Variants in SHTN1 observed in about 807,000 individuals in gnomAD.
The protein encoded by SHTN1 is shootin-1.
A neutral mutation model predicts 83.1 loss-of-function variants in SHTN1; 42 were observed. The ratio of observed to expected loss-of-function variants is 0.51; its 90% CI spans 0.39 to 0.65. SHTN1 has a LOEUF of 0.65. Ranked by LOEUF, SHTN1 falls within the 30% of genes least tolerant of loss-of-function variation. The probability of loss-of-function intolerance (pLI) is 0.00; values close to 1 mark genes in which losing one functional copy is unlikely to be tolerated. For missense variants in SHTN1, 622 were observed against 737.8 expected, an observed-to-expected ratio of 0.84 and a Z score of 1.82; for synonymous variants, 224 against 247.7, an observed-to-expected ratio of 0.90 and a Z score of 0.90.
chr10:116,965,721 C>A (rs1374088546), intron 3 of SHTN1, among the ~76,000 whole-genome samples: 1 of 152,172 alleles, frequency 6.6e-6, no homozygotes, highest in African/African-American at 2.4e-5. Context: ...GTAGTAGCAA[C>A]TAATATTTAT....
At chr10:116,938,220 G>A (rs911702849) in intron 9 of SHTN1, among the ~76,000 whole-genome samples, 6 of 152,156 alleles carry the variant, frequency 3.9e-5, no homozygotes, top group African/African-American at 1.4e-4. Context: ...GCGAGGAGTT[G>A]TGATCTTTTG....
rs574707425 is a variant in SHTN1, at chr10:116,881,590, C to T, written c.*4754G>A. On this transcript the variant is annotated 3_prime_UTR_variant, in exon 17 of 17. Coordinates refer to ENST00000355371, the MANE Select transcript of SHTN1 (RefSeq NM_001127211.3). Reference sequence around the variant, plus strand: ...GCTGCGGAGGCACTTGAGGCTGCTGCGGCTAGGGAGCCGCTGGTGCCCACC... The same window carrying T: ...GCTGCGGAGGCACTTGAGGCTGCTGTGGCTAGGGAGCCGCTGGTGCCCACC... The T allele has an allele frequency of 1.7e-5, 26 of 1,550,302 alleles. No individual in the cohort carries two copies. Among genetic ancestry groups the T allele is most frequent in the African/African-American group, 1.5e-4 (11 of 73,160 alleles).
At chr10:117,005,519 C>G (rs947950019), upstream of SHTN1, 5 of 1,001,020 alleles carry the variant, frequency 5.0e-6, no homozygotes, top group African/African-American at 8.7e-5. Flanking sequence ...GGGAACTCCA[C>G]TTTGGACGCT....
intron 1 of SHTN1, among the ~76,000 whole-genome samples, chr10:117,081,941 T>C (rs1853271972): frequency 1.3e-5 from 2 of 150,040 alleles, no homozygotes; most frequent in African/African-American, 4.9e-5. Context: ...TCTTTATTAG[T>C]CTTGCTAGAG....
At chr10:116,971,665 T>C (rs762941473) in intron 2 of SHTN1, among the ~76,000 whole-genome samples, 3 of 152,184 alleles carry the variant, frequency 2.0e-5, no homozygotes, top group Non-Finnish European at 4.4e-5. Context: ...AGGCTCAAAC[T>C]CCTGAGTCAT....
intron 14 of SHTN1, among the ~76,000 whole-genome samples, chr10:116,907,274 C>A (rs1848007636): frequency 6.6e-6 from 1 of 152,072 alleles, no homozygotes; most frequent in Non-Finnish European, 1.5e-5. Flanking sequence ...AGGGGCCGAC[C>A]CAAAGAAGGG....
At chr10:117,028,924 C>T (rs1004217737) in intron 2 of SHTN1, among the ~76,000 whole-genome samples, 3 of 152,116 alleles carry the variant, frequency 2.0e-5, no homozygotes, top group East Asian at 1.9e-4. Flanking sequence ...CCTGATGGAG[C>T]AGTGAGAAGA....
chr10:117,021,280 C>T (rs1272244607), intron 2 of SHTN1, among the ~76,000 whole-genome samples: 2 of 152,088 alleles, frequency 1.3e-5, no homozygotes, highest in Non-Finnish European at 2.9e-5. Flanking sequence ...CCTTTCCTCC[C>T]TCCCTTCTTT....
intron 1 of SHTN1, among the ~76,000 whole-genome samples, chr10:116,985,527 C>T (rs978123970): frequency 2.6e-5 from 4 of 152,006 alleles, no homozygotes; most frequent in Admixed American, 1.3e-4. Flanking sequence ...ATTTGATAAA[C>T]GTGTTAAATT....
Position 116,934,568 on chromosome 10 carries a change from T to C in SHTN1, c.859-4566A>G, listed in dbSNP as rs147338962. 3.0e-4 allele frequency among the ~76,000 whole-genome samples: 46 copies of C among 152,352 alleles called. No individual in the cohort carries two copies. The East Asian group carries it at 8.7e-3, about 29-fold the overall frequency. ...CAGTACCATGCTGCTTTGGTTACTG[T>C]AGCCTCGTAGCATAGTTTGAAGCCA... On this transcript the variant is annotated intron_variant, in intron 9 of 16. Transcript: ENST00000355371.
intron 3 of SHTN1, among the ~76,000 whole-genome samples, chr10:116,964,633 T>C (rs1850324563): frequency 6.6e-6 from 1 of 152,224 alleles, no homozygotes; most frequent in Non-Finnish European, 1.5e-5. Flanking sequence ...GGCATATATG[T>C]AGGAAAATCG....
intron 13 of SHTN1, among the ~76,000 whole-genome samples, chr10:116,914,932 GTTA>G (rs1391232249): frequency 6.6e-6 from 1 of 152,200 alleles, no homozygotes; most frequent in African/African-American, 2.4e-5. Flanking sequence ...TTCTGCTGTT[GTTA>G]TTATGTGATT....
At chr10:116,936,072 T>C (rs1452615278) in intron 9 of SHTN1, among the ~76,000 whole-genome samples, 12 of 151,980 alleles carry the variant, frequency 7.9e-5, no homozygotes, top group Non-Finnish European at 1.3e-4. Context: ...CTTTATTAGT[T>C]GGGCTAGCAG....
intron 1 of SHTN1, among the ~76,000 whole-genome samples, chr10:117,125,259 T>G (rs1427413252): frequency 1.3e-5 from 2 of 152,180 alleles, no homozygotes; most frequent in Non-Finnish European, 2.9e-5. Context: ...ACCCTCCCAC[T>G]GGTCTCTGAA....
intron 1 of SHTN1, among the ~76,000 whole-genome samples, chr10:117,119,041 G>GC (rs1198824285): frequency 1.3e-5 from 2 of 152,296 alleles, no homozygotes; most frequent in East Asian, 3.9e-4. Context: ...ACCATGGGTG[G>GC]AATTGATGGT....
At chr10:116,976,968 C>T (rs1247257997) in intron 2 of SHTN1, among the ~76,000 whole-genome samples, 1 of 152,224 alleles carries the variant, frequency 6.6e-6, no homozygotes, top group African/African-American at 2.4e-5. Context: ...TTAGGCCATA[C>T]TCTATGCAGT....
chr10:116,954,251 A>G (rs372763921), intron 4 of SHTN1, 41 bp from the exon 5 acceptor site: 1 of 1,366,576 alleles, frequency 7.3e-7, no homozygotes, highest in African/African-American at 1.5e-5. Flanking sequence ...AAAGCAGCCA[A>G]ATGAGTATCT....
chr10:117,049,587 G>GT (rs1384931632), intron 1 of SHTN1, among the ~76,000 whole-genome samples: 1 of 152,174 alleles, frequency 6.6e-6, no homozygotes, highest in Non-Finnish European at 1.5e-5. Flanking sequence ...TAGGACCGCA[G>GT]TAAATGTTTG....
In SHTN1 at chr10:116,954,120, C is replaced by T. The variant is rs758572201; in HGVS notation, c.358G>A (p.Asp120Asn). The T allele has an allele frequency of 9.9e-6, 16 of 1,613,774 alleles. No individual in the cohort carries two copies. The highest frequency in any genetic ancestry group is 1.7e-5 in the Admixed American group (1 of 59,994). The change falls in exon 5 of 17, where the codon GAT becomes AAT. Residue 120 changes from aspartate to asparagine, a missense_variant. Coordinates refer to ENST00000355371, the MANE Select transcript of SHTN1 (RefSeq NM_001127211.3). ...GTGTCTGTAGTCGAATCTTCATCAT[C>T]AATGTTTATCTCTTCAGTTATTACA... ...PDVITEEINI[D>N]DEDSTTDTDG...
Sources: allele counts gnomAD v4.1 joint callset (sites outside exome capture counted in the v4.1 genomes callset), GRCh38; gene constraint gnomAD v4.1.1; transcripts MANE v1.5; gene names NCBI Gene and HGNC (gene_info 2026-07-23, HGNC 2026-07-21).